FBXL14: variants seen among roughly 807,000 people sequenced by gnomAD.
The protein encoded by FBXL14 is F-box and leucine rich repeat protein 14, also known as F-box/LRR-repeat protein 14.
FBXL14 carries 11 observed loss-of-function variants against 24.5 expected under a neutral mutation model. That is an observed-to-expected ratio of 0.45 (90% CI 0.28 to 0.74). FBXL14 has a LOEUF of 0.74. FBXL14 is among the 30% of genes least tolerant of loss of function. The pLI is 0.12. For synonymous variants in FBXL14, 294 were observed against 240.4 expected (o/e 1.22, Z -2.06); for missense variants, 384 against 545.6 (o/e 0.70, Z 2.95).
chr12:1,592,803 T>G, intron 1 of FBXL14, 70 bp downstream of exon 1: 1 of 1,295,614 alleles, frequency 7.7e-7, no homozygotes, highest in East Asian at 2.4e-5. Context: ...TGTGAGTGTG[T>G]GGGGGCGGTG....
intron 1 of FBXL14, among the ~76,000 whole-genome samples, chr12:1,584,643 A>G (rs1051686927): frequency 6.6e-6 from 1 of 152,152 alleles, no homozygotes; most frequent in African/African-American, 2.4e-5. Context: ...GCTTCGTACA[A>G]CCGTCAGCTG....
intron 1 of FBXL14, among the ~76,000 whole-genome samples, chr12:1,570,294 G>T (rs1565581126): frequency 6.6e-6 from 1 of 152,230 alleles, no homozygotes; most frequent in African/African-American, 2.4e-5. Flanking sequence ...GGCCACTGGG[G>T]CCAAACCTGC....
chr12:1,584,843 G>GCATC (rs2094473367), intron 1 of FBXL14, among the ~76,000 whole-genome samples: 1 of 152,200 alleles, frequency 6.6e-6, no homozygotes, highest in Non-Finnish European at 1.5e-5. Context: ...GTTGTTCACA[G>GCATC]CAGTGGAGTT....
chr12:1,591,231 T>C (rs776560579), intron 1 of FBXL14, among the ~76,000 whole-genome samples: 5 of 152,034 alleles, frequency 3.3e-5, no homozygotes, highest in Non-Finnish European at 5.9e-5. Context: ...CACCCCCACA[T>C]AGGATGCACC....
At chr12:1,573,555 C>A in intron 1 of FBXL14, among the ~76,000 whole-genome samples, 1 of 152,140 alleles carries the variant, frequency 6.6e-6, no homozygotes, top group East Asian at 1.9e-4. Flanking sequence ...GTGCCGATAC[C>A]GGAGGCTCAG....
rs1332962011 is a variant in FBXL14 at position 1,593,335 on chromosome 12, A to G, written c.732T>C (p.Ala244=). The G allele has an allele frequency of 1.9e-6, 3 of 1,613,680 alleles. No individual in the cohort carries two copies. Among genetic ancestry groups the G allele is most frequent in the East Asian group, 4.5e-5 (2 of 44,874 alleles). Reference sequence around the variant, plus strand: ...CCATGTGCGACAGGTGCAGGAGGCCAGCGTCCGAGATTCCCCCACAGAAGC... The same window carrying G: ...CCATGTGCGACAGGTGCAGGAGGCCGGCGTCCGAGATTCCCCCACAGAAGC... ...NLSFCGGISD[A]GLLHLSHMGS... is the part of the protein sequence containing the mutation. The change falls in exon 1 of 2, where the codon GCT becomes GCC. Residue 244 remains alanine, a synonymous_variant. Coordinates refer to ENST00000339235, the MANE Select transcript of FBXL14 (RefSeq NM_152441.3). The surrounding 1 kb of genome is among the most constrained non-coding windows in gnomAD (Gnocchi z 7.4).
intron 1 of FBXL14, among the ~76,000 whole-genome samples, chr12:1,590,741 C>G (rs1159316517): frequency 2.0e-5 from 3 of 152,238 alleles, no homozygotes; most frequent in Admixed American, 1.3e-4. Flanking sequence ...TGCTTCCTTA[C>G]AGCCGGGCCT....
chr12:1,581,371 A>G (rs981452262), intron 1 of FBXL14, among the ~76,000 whole-genome samples: 2 of 152,164 alleles, frequency 1.3e-5, no homozygotes, highest in Non-Finnish European at 2.9e-5. Flanking sequence ...AAGGTCCCCT[A>G]CAAGAGAAAC....
In FBXL14 at chr12:1,594,041, A is replaced by T; in HGVS notation, c.26T>A (p.Phe9Tyr). The T allele has an allele frequency of 6.5e-7, 1 of 1,549,554 alleles. No individual in the cohort carries two copies. The highest frequency in any genetic ancestry group is 8.7e-7 in the Non-Finnish European group (1 of 1,155,518). METHISCL[F>Y]PELLAMIFGY... ...GAAGATCATGGCCAGCAGCTCCGGG[A>T]ACAGGCATGAGATGTGGGTCTCCAT... Residue 9 changes from phenylalanine (F) to tyrosine (Y), a missense_variant, in exon 1 of 2, where the codon TTC (phenylalanine) becomes TAC (tyrosine). Phe to Tyr is a conservative substitution (Grantham distance 22). Transcript: ENST00000339235.
intron 1 of FBXL14, among the ~76,000 whole-genome samples, chr12:1,592,545 A>G (rs1565591620): frequency 6.6e-6 from 1 of 152,172 alleles, no homozygotes; most frequent in Non-Finnish European, 1.5e-5. Flanking sequence ...ATTTCCAGTC[A>G]CAGCAGTGGG....
At chr12:1,577,482 C>T (rs1265483617) in intron 1 of FBXL14, among the ~76,000 whole-genome samples, 1 of 152,090 alleles carries the variant, frequency 6.6e-6, no homozygotes, top group East Asian at 1.9e-4. Context: ...AATAGGCAGG[C>T]ATATTTTAGT....
rs1222413863 is a variant in FBXL14 at position 1,575,677 on chromosome 12, T to G, written c.1195-8867A>C. On this transcript the variant is annotated intron_variant, in intron 1 of 1. Transcript: ENST00000339235. ...GGAGGTTGCTGTTGGCTTCTGCCCATGCTGTGGGTCAGGATCTGCAGCCAA... is the reference window on the plus strand; with the variant it reads ...GGAGGTTGCTGTTGGCTTCTGCCCAGGCTGTGGGTCAGGATCTGCAGCCAA... 2.6e-5 allele frequency among the ~76,000 whole-genome samples: 4 copies of G among 152,112 alleles called. No individual in the cohort carries two copies. In the East Asian group the frequency reaches 7.7e-4, roughly 29 times the overall value.
In FBXL14 at chr12:1,567,623, G is replaced by A. The variant is rs1281024796; in HGVS notation, c.1195-813C>T. Among the ~76,000 whole-genome samples the A allele has an allele frequency of 4.6e-5, 7 of 152,230 alleles. No homozygotes were observed. Among genetic ancestry groups the A allele is most frequent in the Non-Finnish European group, 8.8e-5 (6 of 68,034 alleles). ...CAGGCGGGAAATTGAAAGCAGCTCT[G>A]ATTAATGTGAGGGGCTGTAATGGAT... is the stretch of plus-strand genomic sequence containing the variant. On this transcript the variant is annotated intron_variant, in intron 1 of 1. Transcript: ENST00000339235. The surrounding 1 kb of genome is among the most constrained non-coding windows in gnomAD (Gnocchi z 4.8).
At chr12:1,584,823 TGTC>T (rs918212210) in intron 1 of FBXL14, among the ~76,000 whole-genome samples, 22 of 152,234 alleles carry the variant, frequency 1.4e-4, no homozygotes, top group South Asian at 2.1e-4. Flanking sequence ...CTGGCCATCT[TGTC>T]GTTGTTGTTG....
At chr12:1,572,147 A>G (rs2094446543) in intron 1 of FBXL14, among the ~76,000 whole-genome samples, 1 of 152,222 alleles carries the variant, frequency 6.6e-6, no homozygotes, top group Non-Finnish European at 1.5e-5. Context: ...AAAAAGTAGG[A>G]TTTACATGCA....
At chr12:1,592,224 A>T (rs907137081) in intron 1 of FBXL14, among the ~76,000 whole-genome samples, 9 of 147,170 alleles carry the variant, frequency 6.1e-5, no homozygotes, top group African/African-American at 2.0e-4. Flanking sequence ...TATATATATA[A>T]TATATAGAAT....
intron 1 of FBXL14, among the ~76,000 whole-genome samples, chr12:1,570,568 G>A (rs866625452): frequency 2.1e-4 from 32 of 152,268 alleles, no homozygotes; most frequent in African/African-American, 7.0e-4. Flanking sequence ...ATTTCACGCC[G>A]TGGGGTTCCC....
chr12:1,587,779 A>ATGAGGTG (rs1476847598), intron 1 of FBXL14, among the ~76,000 whole-genome samples: 1 of 152,242 alleles, frequency 6.6e-6, no homozygotes, highest in Non-Finnish European at 1.5e-5. Context: ...ATTGACAGAA[A>ATGAGGTG]TGAGGTAAGT....
At chr12:1,573,840 A>G (rs190115030) in intron 1 of FBXL14, among the ~76,000 whole-genome samples, 2 of 152,288 alleles carry the variant, frequency 1.3e-5, no homozygotes, top group African/African-American at 4.8e-5. Context: ...CCTTGTCTCT[A>G]CTACAAATAA....
Sources: allele counts gnomAD v4.1 joint callset (sites outside exome capture counted in the v4.1 genomes callset), GRCh38; gene constraint gnomAD v4.1.1; non-coding constraint Gnocchi (gnomAD v3.1); transcripts MANE v1.5; gene names NCBI Gene and HGNC (gene_info 2026-07-23, HGNC 2026-07-21).